The following HIVEP3 variants were observed in gnomAD, a reference collection of about 807,000 sequenced individuals.
HIVEP3 encodes HIVEP zinc finger 3, also known as transcription factor HIVEP3.
In HIVEP3, 49 loss-of-function variants were observed where a neutral mutation model predicts 152.8. The ratio of observed to expected loss-of-function variants is 0.32; its 90% CI spans 0.26 to 0.41. The LOEUF (loss-of-function observed/expected upper bound fraction) is 0.41. Ranked by LOEUF, HIVEP3 falls within the 10% of genes least tolerant of loss-of-function variation. The pLI is 1.00. For synonymous variants in HIVEP3, 1,269 were observed against 1,289.0 expected (o/e 0.98, Z 0.33); for missense variants, 2,790 against 3,103.3 (o/e 0.90, Z 2.40).
intron 3 of HIVEP3, among the ~76,000 whole-genome samples, chr1:41,594,579 A>G (rs992590990): frequency 2.6e-5 from 4 of 152,204 alleles, no homozygotes; most frequent in African/African-American, 7.2e-5. Context: ...GCATTTTTGC[A>G]TAAACATATT....
In HIVEP3 at chr1:41,664,643, G is replaced by C. The variant is rs1645766410; in HGVS notation, c.-720-35696C>G. Among the ~76,000 whole-genome samples, 1 of 152,326 alleles carries C rather than the reference G, an allele frequency of 6.6e-6. No individual in the cohort carries two copies. The highest frequency in any genetic ancestry group is 2.4e-5 in the African/African-American group (1 of 41,570). On this transcript the variant is annotated intron_variant, in intron 2 of 8. Transcript: ENST00000372583. This position sits in a 1 kb window ranked among gnomAD's most constrained non-coding sequence, Gnocchi z 4.4. Reference sequence around the variant, plus strand: ...TTAAGTGAATGAATGGTCCTGAGGGGCAAATCCTAAGACAAACTAACCAGA... The same window carrying C: ...TTAAGTGAATGAATGGTCCTGAGGGCCAAATCCTAAGACAAACTAACCAGA...
At chr1:41,939,993 G>A (rs1419496745) in intron 1 of HIVEP3, among the ~76,000 whole-genome samples, 1 of 149,712 alleles carries the variant, frequency 6.7e-6, no homozygotes, top group African/African-American at 2.5e-5. Flanking sequence ...TTTTACTTTA[G>A]TCTGAGGCAC....
Position 41,583,631 on chromosome 1 carries a change from A to C in HIVEP3, c.1167T>G (p.Thr389=). The part of the protein sequence containing the change: ...AFLSPGSKGS[T]ESGYFSRSES... ...CGGAGCGAGAGAAATACCCAGACTC[A>C]GTACTCCCTTTGCTGCCTGGGCTCA... Residue 389 remains threonine, a synonymous_variant, in exon 4 of 9, where the codon ACT becomes ACG. Transcript: ENST00000372583. This position sits in a 1 kb window ranked among gnomAD's most constrained non-coding sequence, Gnocchi z 6.9. 1 of 1,614,174 alleles carries C rather than the reference A, an allele frequency of 6.2e-7. No homozygotes were observed. Among genetic ancestry groups the C allele is most frequent in the Non-Finnish European group, 8.5e-7 (1 of 1,180,022 alleles).
At chr1:41,918,937 G>T (rs549346705), upstream of HIVEP3, among the ~76,000 whole-genome samples, 3 of 152,246 alleles carry the variant, frequency 2.0e-5, no homozygotes, top group East Asian at 1.9e-4. This position sits in a 1 kb window ranked among gnomAD's most constrained non-coding sequence, Gnocchi z 4.3. Flanking sequence ...TTGAAAGGGG[G>T]TTTAACCTTT....
At chr1:41,825,795 A>T (rs753272039) in intron 1 of HIVEP3, among the ~76,000 whole-genome samples, 1 of 151,352 alleles carries the variant, frequency 6.6e-6, no homozygotes, top group Non-Finnish European at 1.5e-5. Flanking sequence ...TTTTGTAGAG[A>T]CGGGGTCTCT....
At chr1:41,864,655 G>T (rs1643936188) in intron 1 of HIVEP3, 1 of 152,392 alleles carries the variant, frequency 6.6e-6, no homozygotes, top group Non-Finnish European at 1.5e-5. Context: ...GCTTCTGTCA[G>T]GATGGAAAGG....
At chr1:41,545,338 T>C (rs1252128600) in intron 5 of HIVEP3, among the ~76,000 whole-genome samples, 24 of 47,200 alleles carry the variant, frequency 5.1e-4, no homozygotes, top group East Asian at 7.8e-4. Context: ...ATCACCACTA[T>C]CACCACCACC....
intron 3 of HIVEP3, among the ~76,000 whole-genome samples, chr1:41,608,160 T>G (rs1314268886): frequency 6.6e-6 from 1 of 152,156 alleles, no homozygotes; most frequent in African/African-American, 2.4e-5. Context: ...CTCTGACCAG[T>G]TCAGTCTTGA....
chr1:41,689,537 CACA>C (rs1340136172), intron 2 of HIVEP3, among the ~76,000 whole-genome samples: 1 of 152,180 alleles, frequency 6.6e-6, no homozygotes, highest in African/African-American at 2.4e-5. Flanking sequence ...GGAGGAAAAA[CACA>C]CCAAGGGCTT....
chr1:41,624,037 A>G (rs777958461), intron 3 of HIVEP3, among the ~76,000 whole-genome samples: 2 of 152,194 alleles, frequency 1.3e-5, no homozygotes, highest in African/African-American at 4.8e-5. Flanking sequence ...TTTGCTCATC[A>G]ACAACTGCTA....
At chr1:41,721,836 ACGGTGCTGTCCAT>A (rs1166633900) in intron 1 of HIVEP3, among the ~76,000 whole-genome samples, 1 of 152,194 alleles carries the variant, frequency 6.6e-6, no homozygotes, top group African/African-American at 2.4e-5. Context: ...CTAACCCCAC[ACGGTGCTGTCCAT>A]CGGTGCACAG....
intron 1 of HIVEP3, among the ~76,000 whole-genome samples, chr1:41,821,956 G>T (rs1007243297): frequency 2.0e-5 from 3 of 152,186 alleles, no homozygotes; most frequent in Non-Finnish European, 4.4e-5. Flanking sequence ...TTGATGTGAA[G>T]GTCCTCCTTC....
chr1:41,712,356 G>A (rs1312716984), intron 1 of HIVEP3, among the ~76,000 whole-genome samples: 1 of 152,254 alleles, frequency 6.6e-6, no homozygotes, highest in Non-Finnish European at 1.5e-5. Flanking sequence ...CTCAGGTGCT[G>A]GAGACACAGC....
intron 1 of HIVEP3, among the ~76,000 whole-genome samples, chr1:41,703,526 GATA>G (rs1293522557): frequency 6.6e-6 from 1 of 152,140 alleles, no homozygotes; most frequent in African/African-American, 2.4e-5. Context: ...ATAAAAAAAG[GATA>G]ATAATAGCTA....
chr1:41,661,977 G>C (rs1645719521), intron 2 of HIVEP3, among the ~76,000 whole-genome samples: 1 of 152,122 alleles, frequency 6.6e-6, no homozygotes, highest in Non-Finnish European at 1.5e-5. Context: ...AGGGTCCCGG[G>C]AGTTGGCACC....
In HIVEP3 at chr1:41,583,804, C is replaced by G. The variant is rs2149108833; in HGVS notation, c.994G>C (p.Ala332Pro). ...GGAGGGGGGTCTTCGAGTGACTGGG[C>G]TGTGCTGGACTGGGACAGGGAACAG... ...ERCSLSQSST[A>P]QSLEDPPPFV... Residue 332 changes from alanine (A) to proline (P), a missense_variant, in exon 4 of 9, where the codon GCC becomes CCC. Physicochemically the swap from Ala to Pro is conservative, Grantham distance 27 (BLOSUM62 -1). Around this residue, in one of 9 missense-constraint regions of HIVEP3, gnomAD observed 125 missense variants for 130.1 expected, o/e 0.96. Coordinates refer to ENST00000372583, the MANE Select transcript of HIVEP3 (RefSeq NM_024503.5). The surrounding 1 kb of genome is among the most constrained non-coding windows in gnomAD (Gnocchi z 6.9). 6.3e-7 allele frequency: 1 copy of G among 1,595,738 alleles called. No individual in the cohort carries two copies. The highest frequency in any genetic ancestry group is 1.7e-4 in the Middle Eastern group (1 of 5,956).
chr1:41,642,796 AGT>A (rs1201082375), intron 2 of HIVEP3, among the ~76,000 whole-genome samples: 2 of 152,136 alleles, frequency 1.3e-5, no homozygotes, highest in Non-Finnish European at 2.9e-5. Flanking sequence ...GCAGCCCATC[AGT>A]GTCCACATGA....
At chr1:41,828,229 G>A (rs988964122) in intron 1 of HIVEP3, among the ~76,000 whole-genome samples, 1 of 152,206 alleles carries the variant, frequency 6.6e-6, no homozygotes, top group Non-Finnish European at 1.5e-5. Flanking sequence ...TGGCCACCCA[G>A]TGTCCCTGCT....
intron 1 of HIVEP3, among the ~76,000 whole-genome samples, chr1:41,868,108 T>G (rs1041617485): frequency 2.0e-5 from 3 of 151,984 alleles, no homozygotes; most frequent in African/African-American, 7.2e-5. Context: ...CCCTAGCTGA[T>G]ACTAACTCCA....
Sources: allele counts gnomAD v4.1 joint callset (sites outside exome capture counted in the v4.1 genomes callset), GRCh38; gene constraint gnomAD v4.1.1; regional missense constraint gnomAD v4.1.1; non-coding constraint Gnocchi (gnomAD v3.1); transcripts MANE v1.5; gene names NCBI Gene and HGNC (gene_info 2026-07-23, HGNC 2026-07-21).